Variants in RINT1 observed in about 807,000 individuals in gnomAD.
The protein encoded by RINT1 is RAD50 interactor 1, also known as RAD50-interacting protein 1.
Under a neutral mutation model 97.7 loss-of-function variants are expected in RINT1, and 75 were observed. That is an observed-to-expected ratio of 0.77 (90% CI 0.64 to 0.93). RINT1 has a LOEUF of 0.93. Ranked by LOEUF, RINT1 falls within the 40% of genes least tolerant of loss-of-function variation. The pLI, the probability that RINT1 is intolerant of heterozygous loss-of-function variation, is 0.00. For synonymous variants in RINT1, 303 were observed against 326.3 expected (o/e 0.93, Z 0.77); for missense variants, 892 against 925.2 (o/e 0.96, Z 0.47).
In RINT1 at chr7:105,532,217, C is replaced by T. The variant is rs1188717613; in HGVS notation, c.-99C>T. On this transcript the variant is annotated 5_prime_UTR_variant, in exon 1 of 15. The change creates a new upstream start codon in the 5' untranslated region. Coordinates refer to ENST00000257700, the MANE Select transcript of RINT1 (RefSeq NM_021930.6). ...GAAGTCGCTGTGGCACTCAGTCCTA[C>T]GGCCTCCGAGGCTGGGTAGTGAGTG... 3 of 1,354,906 alleles carry T rather than the reference C, an allele frequency of 2.2e-6. No homozygotes were observed. Among genetic ancestry groups the T allele is most frequent in the Middle Eastern group, 2.5e-4 (1 of 3,968 alleles). The allele number at this position is 1,354,906 out of a possible 1,614,324, so 83.9% of individuals were successfully genotyped here.
At position 105,551,525 on chromosome 7, in the gene RINT1, G is replaced by A. The variant is rs1790923725; in HGVS notation, c.1334-45G>A. On this transcript the variant is annotated intron_variant, in intron 9 of 14. Coordinates refer to ENST00000257700, the MANE Select transcript of RINT1 (RefSeq NM_021930.6). ...AATTACAAGTTGAATAATTAGGAACGACTGTAACTACTTAATTGACATAAT... is the reference window on the plus strand; with the variant it reads ...AATTACAAGTTGAATAATTAGGAACAACTGTAACTACTTAATTGACATAAT... 9 of 1,478,150 alleles carry A rather than the reference G, an allele frequency of 6.1e-6. No homozygotes were observed. In the South Asian group the frequency reaches 7.0e-5, roughly 12 times the overall value. The allele number at this position is 1,478,150 out of a possible 1,614,324, so 91.6% of individuals were successfully genotyped here. A position where few individuals can be genotyped will look rare whatever the true frequency, so the allele number is the denominator to read the frequency against.
At chr7:105,550,187 G>A in intron 8 of RINT1, 22 bp downstream of exon 8, 1 of 1,605,602 alleles carries the variant, frequency 6.2e-7, no homozygotes, top group East Asian at 2.2e-5. Context: ...AGTCATAAGT[G>A]TTTCTGTTTT....
In RINT1 at chr7:105,563,776, A is replaced by C; in HGVS notation, c.1715A>C (p.Glu572Ala). The change falls in exon 12 of 15, where the codon GAG becomes GCG. Residue 572 changes from glutamate to alanine, a missense_variant. Coordinates refer to ENST00000257700, the MANE Select transcript of RINT1 (RefSeq NM_021930.6). Reference sequence around the variant, plus strand: ...CAGGCTGCACTGGAGGTGTTTGCAGAGAATAATACTCTGAGTAAATTGCAG... The same window carrying C: ...CAGGCTGCACTGGAGGTGTTTGCAGCGAATAATACTCTGAGTAAATTGCAG... ...LQQAALEVFAENNTLSKLQLG... is the reference protein window; with the variant it reads ...LQQAALEVFAANNTLSKLQLG... 2 of 1,614,186 alleles carry C rather than the reference A, an allele frequency of 1.2e-6. No individual in the cohort carries two copies. The highest frequency in any genetic ancestry group is 1.7e-6 in the Non-Finnish European group (2 of 1,180,012).
At chr7:105,559,633 A>G (rs1791350142) in intron 11 of RINT1, among the ~76,000 whole-genome samples, 1 of 151,968 alleles carries the variant, frequency 6.6e-6, no homozygotes, top group Non-Finnish European at 1.5e-5. Context: ...AGGCAGGAGA[A>G]TAGCTTGAAC....
Position 105,536,589 on chromosome 7 carries a change from T to C in RINT1, c.113T>C (p.Ile38Thr), listed in dbSNP as rs775736541. Residue 38 changes from isoleucine (I) to threonine (T), a missense_variant, in exon 3 of 15, where the codon ATT becomes ACT. Coordinates refer to ENST00000257700, the MANE Select transcript of RINT1 (RefSeq NM_021930.6). ...GGTGACATAAATGTTACAGTTCTTATTGGAAGTAAACAAGTCAGTGAAGGT... is the reference window on the plus strand; with the variant it reads ...GGTGACATAAATGTTACAGTTCTTACTGGAAGTAAACAAGTCAGTGAAGGT... ...EKSDINVTVL[I>T]GSKQVSEGTD... The C allele has an allele frequency of 1.3e-5, 21 of 1,601,784 alleles. No individual in the cohort carries two copies. Among genetic ancestry groups the C allele is most frequent in the East Asian group, 1.1e-4 (5 of 44,752 alleles).
chr7:105,553,090 T>C (rs945271054), intron 10 of RINT1, among the ~76,000 whole-genome samples: 14 of 152,212 alleles, frequency 9.2e-5, no homozygotes, highest in Non-Finnish European at 1.5e-4. Context: ...TACACAAAAG[T>C]AGGATAATAT....
At chr7:105,544,872 G>T (rs561258325) in intron 4 of RINT1, among the ~76,000 whole-genome samples, 165 of 152,116 alleles carry the variant, frequency 1.1e-3, no homozygotes, top group Non-Finnish European at 1.6e-3. Flanking sequence ...TTTCCCTGAG[G>T]TCTTTTATGA....
At position 105,546,962 on chromosome 7, in the gene RINT1, A is replaced by T. The variant is rs1271923575; in HGVS notation, c.568A>T (p.Thr190Ser). The T allele has an allele frequency of 1.2e-6, 2 of 1,613,618 alleles. No homozygotes were observed. The highest frequency in any genetic ancestry group is 1.7e-6 in the Non-Finnish European group (2 of 1,179,906). The stretch of plus-strand genomic sequence containing the variant: ...CAATAATGTACCGGAGGCAGCCTCC[A>T]CTCTAGTGTCTATGGCAGAACTTGA... ...MTNNVPEAAS[T>S]LVSMAELDIK... The change falls in exon 5 of 15, where the codon ACT (threonine) becomes TCT (serine). Residue 190 changes from threonine to serine, a missense_variant. Thr to Ser is a moderately conservative substitution (Grantham distance 58). Transcript: ENST00000257700.
At chr7:105,540,422 C>T (rs1019880896) in intron 3 of RINT1, among the ~76,000 whole-genome samples, 2 of 152,106 alleles carry the variant, frequency 1.3e-5, no homozygotes, top group Non-Finnish European at 2.9e-5. Context: ...CTACCACACC[C>T]GGCTAGTTTT....
At chr7:105,532,382 G>C in intron 1 of RINT1, 25 bp downstream of exon 1, 1 of 1,595,932 alleles carries the variant, frequency 6.3e-7, no homozygotes, top group Non-Finnish European at 8.5e-7. Flanking sequence ...GCGTCCCTGG[G>C]AGGGGACATT....
At chr7:105,543,715 T>A (rs993501504) in intron 4 of RINT1, among the ~76,000 whole-genome samples, 1 of 152,200 alleles carries the variant, frequency 6.6e-6, no homozygotes, top group Admixed American at 6.6e-5. Context: ...ACTTTTGTTA[T>A]GGATATGTTT....
chr7:105,542,676 A>T (rs1343932193), intron 4 of RINT1, 27 bp downstream of exon 4: 1 of 1,606,366 alleles, frequency 6.2e-7, no homozygotes, highest in African/African-American at 1.3e-5. Context: ...TGTTCTCACA[A>T]TTACTATTTT....
chr7:105,563,237 G>T (rs1791517746), intron 11 of RINT1, among the ~76,000 whole-genome samples: 2 of 152,162 alleles, frequency 1.3e-5, no homozygotes, highest in Admixed American at 6.5e-5. Flanking sequence ...TCAATTAGTG[G>T]TTGCCTATGA....
At chr7:105,553,234 C>A (rs1375907828) in intron 10 of RINT1, among the ~76,000 whole-genome samples, 1 of 150,252 alleles carries the variant, frequency 6.7e-6, no homozygotes, top group East Asian at 2.0e-4. Flanking sequence ...ATTGTAAATT[C>A]TTTTTTTTGA....
In RINT1 at chr7:105,563,723, T is replaced by G. The variant is rs1457253663; in HGVS notation, c.1672-10T>G. ...AGTATGCTAATGTGTTAACATGTTTTTGCTTTCAGTTCTTTCTACAACTTC... is the reference window on the plus strand; with the variant it reads ...AGTATGCTAATGTGTTAACATGTTTGTGCTTTCAGTTCTTTCTACAACTTC... On this transcript the variant is annotated splice_polypyrimidine_tract_variant and intron_variant, in intron 11 of 14. Coordinates refer to ENST00000257700, the MANE Select transcript of RINT1 (RefSeq NM_021930.6). 6.2e-7 allele frequency: 1 copy of G among 1,605,806 alleles called. No individual in the cohort carries two copies. Among genetic ancestry groups the G allele is most frequent in the African/African-American group, 1.3e-5 (1 of 74,666 alleles).
chr7:105,542,488 T>C lies in RINT1; in HGVS notation c.354T>C (p.Asn118=). The change falls in exon 4 of 15, where the codon AAT becomes AAC. Residue 118 remains asparagine (N), a synonymous_variant. Coordinates refer to ENST00000257700, the MANE Select transcript of RINT1 (RefSeq NM_021930.6). Reference sequence around the variant, plus strand: ...CAGAAGAATCAAAGCAATTTCTTAATCAGTTTCTGGAGCAGGAAACTCATC... The same window carrying C: ...CAGAAGAATCAAAGCAATTTCTTAACCAGTTTCTGGAGCAGGAAACTCATC... ...KNAEESKQFL[N]QFLEQETHLF... 1.2e-6 allele frequency: 2 copies of C among 1,614,070 alleles called. No individual in the cohort carries two copies. Among genetic ancestry groups the C allele is most frequent in the South Asian group, 1.1e-5 (1 of 91,034 alleles).
chr7:105,555,009 T>G lies in RINT1; in HGVS notation c.1472-19T>G. 6.2e-7 allele frequency: 1 copy of G among 1,605,876 alleles called. No homozygotes were observed. Among genetic ancestry groups the G allele is most frequent in the Non-Finnish European group, 8.5e-7 (1 of 1,174,204 alleles). ...GATGGTACCAAAACCTTCATATGTC[T>G]TAATAACTTTTTCCACAGACAGGTA... On this transcript the variant is annotated intron_variant, in intron 10 of 14. Transcript: ENST00000257700.
Position 105,536,558 on chromosome 7 carries a change from G to T in RINT1, c.89-7G>T. On this transcript the variant is annotated splice_polypyrimidine_tract_variant and splice_region_variant and intron_variant, in intron 2 of 14. Coordinates refer to ENST00000257700, the MANE Select transcript of RINT1 (RefSeq NM_021930.6). ...GGCGTTGAGTAATTGTTATTCTTTT[G>T]TTGTAGGTGACATAAATGTTACAGT... 6.4e-7 allele frequency: 1 copy of T among 1,562,140 alleles called. No homozygotes were observed. Among genetic ancestry groups the T allele is most frequent in the South Asian group, 1.2e-5 (1 of 84,086 alleles).
At chr7:105,560,147 G>C (rs945102626) in intron 11 of RINT1, among the ~76,000 whole-genome samples, 22 of 152,266 alleles carry the variant, frequency 1.4e-4, no homozygotes, top group African/African-American at 5.3e-4. Flanking sequence ...GGCCACAGGT[G>C]GTTCCAGGCT....
Sources: allele counts gnomAD v4.1 joint callset (sites outside exome capture counted in the v4.1 genomes callset), GRCh38; gene constraint gnomAD v4.1.1; transcripts MANE v1.5; gene names NCBI Gene and HGNC (gene_info 2026-07-23, HGNC 2026-07-21).